The following PIK3C2A variants were observed in gnomAD, a reference collection of about 807,000 sequenced individuals.
PIK3C2A encodes the protein phosphatidylinositol 4-phosphate 3-kinase C2 domain-containing subunit alpha.
In PIK3C2A, 97 loss-of-function variants were observed where a neutral mutation model predicts 204.5. The observed-to-expected ratio is 0.47, with a 90% confidence interval of 0.40 to 0.56. The LOEUF (loss-of-function observed/expected upper bound fraction) is 0.56, where lower values mean the gene tolerates loss of function less well. PIK3C2A is among the 20% of genes least tolerant of loss of function. The pLI, the probability that PIK3C2A is intolerant of heterozygous loss-of-function variation, is 0.00. For missense variants in PIK3C2A, 1,735 were observed against 1,969.2 expected, an observed-to-expected ratio of 0.88 and a Z score of 2.25; for synonymous variants, 653 against 664.4, an observed-to-expected ratio of 0.98 and a Z score of 0.26.
chr11:17,123,326 C>G (rs1417379248), intron 13 of PIK3C2A, among the ~76,000 whole-genome samples: 4 of 151,902 alleles, frequency 2.6e-5, no homozygotes, highest in African/African-American at 9.7e-5. Flanking sequence ...TGGCTAAGTG[C>G]AGCCTTGACC....
intron 13 of PIK3C2A, among the ~76,000 whole-genome samples, chr11:17,123,290 C>G (rs1849421200): frequency 6.6e-6 from 1 of 152,082 alleles, no homozygotes; most frequent in Non-Finnish European, 1.5e-5. Context: ...TGCTGTCACC[C>G]AGACTGGAGT....
At chr11:17,126,179 T>C (rs1448430919) in intron 13 of PIK3C2A, among the ~76,000 whole-genome samples, 2 of 152,070 alleles carry the variant, frequency 1.3e-5, no homozygotes, top group African/African-American at 2.4e-5. Flanking sequence ...TTAGTAACCC[T>C]CAGAAATAAC....
chr11:17,203,786 C>T (rs2137590655), intron 1 of PIK3C2A, among the ~76,000 whole-genome samples: 1 of 152,238 alleles, frequency 6.6e-6, no homozygotes, highest in South Asian at 2.1e-4. Context: ...AGAGATCCTC[C>T]TGCTGGCAGG....
At chr11:17,112,735 C>G in intron 20 of PIK3C2A, 69 bp from the exon 21 acceptor site, 1 of 656,584 alleles carries the variant, frequency 1.5e-6, no homozygotes, top group Non-Finnish European at 2.5e-6. Flanking sequence ...TTTTGTCCTA[C>G]GCATTTCCCC....
In PIK3C2A at chr11:17,189,445, T is replaced by C. The variant is rs981103800; in HGVS notation, c.-66+18403A>G. On this transcript the variant is annotated intron_variant, in intron 1 of 32. Transcript: ENST00000691414. The stretch of plus-strand genomic sequence containing the variant: ...GCGTGGCCAAGATGGTGAAACCCCA[T>C]CTCTACTAAAAATACAAAAATTAGC... Among the ~76,000 whole-genome samples the C allele has an allele frequency of 4.1e-5, 6 of 145,988 alleles. No homozygotes were observed. In the South Asian group the frequency reaches 1.0e-3, roughly 25 times the overall value.
At chr11:17,136,049 C>A (rs1386640959) in intron 9 of PIK3C2A, among the ~76,000 whole-genome samples, 1 of 152,188 alleles carries the variant, frequency 6.6e-6, no homozygotes, top group African/African-American at 2.4e-5. Context: ...TGAGGCATTA[C>A]AGCTGAGGCC....
chr11:17,207,506 G>C (rs891075949), intron 1 of PIK3C2A, among the ~76,000 whole-genome samples: 5 of 152,202 alleles, frequency 3.3e-5, no homozygotes, highest in African/African-American at 7.2e-5. Flanking sequence ...GACAAGGCGG[G>C]GGAGGGGGGC....
chr11:17,147,701 T>C lies in PIK3C2A; in HGVS notation c.1449-73A>G, dbSNP rs927974091. 11 of 732,110 alleles carry C rather than the reference T, an allele frequency of 1.5e-5. No homozygotes were observed. The African/African-American group carries it at 1.8e-4, about 12-fold the overall frequency. 45.4% of individuals were successfully genotyped at this position (732,110 alleles called of 1,614,324 possible). On this transcript the variant is annotated intron_variant, in intron 5 of 32. Transcript: ENST00000691414. ...ATAAAGGTGAGGGTAAAATTTAAAT[T>C]GCACCTGCATCAGAAATTGAAGAGA...
At chr11:17,140,839 G>A (rs1007793916) in intron 8 of PIK3C2A, among the ~76,000 whole-genome samples, 1 of 152,166 alleles carries the variant, frequency 6.6e-6, no homozygotes, top group African/African-American at 2.4e-5. Flanking sequence ...TAAAAATAAA[G>A]GAGGGGGATA....
chr11:17,188,168 T>A (rs1465167712), intron 1 of PIK3C2A, among the ~76,000 whole-genome samples: 2 of 151,536 alleles, frequency 1.3e-5, no homozygotes, highest in African/African-American at 4.9e-5. Context: ...CGAAACCCCA[T>A]CTCTACTAAA....
intron 2 of PIK3C2A, 73 bp downstream of exon 2, chr11:17,168,598 CAAAAAA>C: frequency 9.2e-7 from 1 of 1,081,222 alleles, no homozygotes; most frequent in Non-Finnish European, 1.3e-6. Context: ...AAAACAAAAA[CAAAAAA>C]ACACAAATTA....
At chr11:17,128,495 T>C (rs919569889) in intron 13 of PIK3C2A, among the ~76,000 whole-genome samples, 1 of 152,166 alleles carries the variant, frequency 6.6e-6, no homozygotes, top group Admixed American at 6.6e-5. Context: ...TACCTTGGAC[T>C]ACCAAATTGC....
At chr11:17,139,495 A>G (rs1849985670) in intron 8 of PIK3C2A, among the ~76,000 whole-genome samples, 2 of 152,152 alleles carry the variant, frequency 1.3e-5, no homozygotes, top group African/African-American at 4.8e-5. Context: ...AAGTGCTAGG[A>G]TTACAGGCAT....
chr11:17,154,224 A>G (rs932622013), intron 3 of PIK3C2A, among the ~76,000 whole-genome samples: 10 of 152,166 alleles, frequency 6.6e-5, no homozygotes, highest in Admixed American at 6.6e-4. Context: ...TAAATGTAGT[A>G]GTTACTTAAC....
In PIK3C2A at chr11:17,122,192, G is replaced by GT; in HGVS notation, c.2652dup (p.Leu885ThrfsTer5). The GT allele has an allele frequency of 6.3e-7, 1 of 1,581,980 alleles. No individual in the cohort carries two copies. The highest frequency in any genetic ancestry group is 1.1e-5 in the South Asian group (1 of 90,010). ...AACAGAATAAACAGAACATACCCAA[G>GT]TGATGAGTCTTTATGAAGAATATCA... On this transcript the variant is annotated frameshift_variant, in exon 15 of 33. Coordinates refer to ENST00000691414, the MANE Select transcript of PIK3C2A (RefSeq NM_002645.4). LOFTEE classifies it high-confidence loss of function.
At chr11:17,128,360 G>A (rs1320720319) in intron 13 of PIK3C2A, among the ~76,000 whole-genome samples, 1 of 150,440 alleles carries the variant, frequency 6.6e-6, no homozygotes, top group Non-Finnish European at 1.5e-5. Flanking sequence ...TCAGCCTACA[G>A]AGTAGGTGGG....
intron 1 of PIK3C2A, among the ~76,000 whole-genome samples, chr11:17,183,159 A>C (rs548224094): frequency 1.6e-3 from 239 of 152,302 alleles, no homozygotes; most frequent in African/African-American, 5.7e-3. Context: ...GCATTTTAAA[A>C]TACAAGTAAA....
chr11:17,114,806 G>A (rs1443171531), intron 19 of PIK3C2A, among the ~76,000 whole-genome samples: 8 of 152,148 alleles, frequency 5.3e-5, no homozygotes, highest in Admixed American at 5.2e-4. Context: ...TAACTTATTG[G>A]TAGGGAGAGA....
In PIK3C2A at chr11:17,086,734, TATTC is replaced by T. The variant is rs1565229910; in HGVS notation, c.*3000_*3003del. 3 of 152,224 alleles carry T rather than the reference TATTC, an allele frequency of 2.0e-5. No individual in the cohort carries two copies. Among genetic ancestry groups the T allele is most frequent in the Admixed American group, 6.5e-5 (1 of 15,276 alleles). 9.4% of individuals were successfully genotyped at this position (152,224 alleles called of 1,614,324 possible). A position where few individuals can be genotyped will look rare whatever the true frequency, so the allele number is the denominator to read the frequency against. ...TTCTTATAGGTAAGATTAATTACCA[TATTC>T]ATTCATATATGCACTGCTAGTCAAA... On this transcript the variant is annotated 3_prime_UTR_variant, in exon 33 of 33. Transcript: ENST00000691414.
Sources: allele counts gnomAD v4.1 joint callset (sites outside exome capture counted in the v4.1 genomes callset), GRCh38; gene constraint gnomAD v4.1.1; transcripts MANE v1.5; gene names NCBI Gene and HGNC (gene_info 2026-07-23, HGNC 2026-07-21).